Variants in GRIK4 observed in about 807,000 individuals in gnomAD.
GRIK4 encodes the protein glutamate receptor ionotropic, kainate 4.
In GRIK4, 40 loss-of-function variants were observed where a neutral mutation model predicts 104.9. The observed-to-expected ratio is 0.38, with a 90% CI of 0.30 to 0.50. The LOEUF is 0.50. Ranked by LOEUF, GRIK4 falls within the 20% of genes least tolerant of loss-of-function variation. GRIK4 has a pLI of 0.93. For missense variants in GRIK4, 1,047 were observed against 1,308.1 expected, an observed-to-expected ratio of 0.80 and a Z score of 3.08; for synonymous variants, 485 against 524.9, an observed-to-expected ratio of 0.92 and a Z score of 1.04.
chr11:120,802,720 G>A lies in GRIK4; in HGVS notation c.110G>A (p.Cys37Tyr). ...IAAILDDPME[C>Y]SRGERLSITL... The stretch of plus-strand genomic sequence containing the variant: ...GCTATCTTGGACGACCCCATGGAGT[G>A]CAGCAGAGGGGAGCGGCTCTCCATC... Residue 37 changes from cysteine to tyrosine, a missense_variant, in exon 4 of 21, where the codon TGC becomes TAC. Around this residue, in one of 3 missense-constraint regions of GRIK4, gnomAD observed 447 missense variants for 514.9 expected, o/e 0.87. Coordinates refer to ENST00000527524, the MANE Select transcript of GRIK4 (RefSeq NM_014619.5). 1 of 1,614,102 alleles carries A rather than the reference G, an allele frequency of 6.2e-7. No homozygotes were observed. Among genetic ancestry groups the A allele is most frequent in the Non-Finnish European group, 8.5e-7 (1 of 1,179,992 alleles).
chr11:120,890,592 G>A (rs976932190), intron 11 of GRIK4, among the ~76,000 whole-genome samples: 1 of 152,208 alleles, frequency 6.6e-6, no homozygotes, highest in Non-Finnish European at 1.5e-5. Flanking sequence ...CCTATTAACT[G>A]TGTGACCCTC....
At position 120,626,689 on chromosome 11, in the gene GRIK4, C is replaced by A. The variant is rs540034031; in HGVS notation, c.-158-26996C>A. On this transcript the variant is annotated intron_variant, in intron 1 of 20. Coordinates refer to ENST00000527524, the MANE Select transcript of GRIK4 (RefSeq NM_014619.5). ...TTGCATCTGTTCCTCTGCCTGAACG[C>A]CCCATTTGGATCCAATCTCAAGGAC... is the stretch of plus-strand genomic sequence containing the variant. Among the ~76,000 whole-genome samples, 3 of 152,252 alleles carry A rather than the reference C, an allele frequency of 2.0e-5. No individual in the cohort carries two copies. In the East Asian group the frequency reaches 5.8e-4, roughly 29 times the overall value.
chr11:120,963,974 T>TATTG (rs1944337895), intron 18 of GRIK4, among the ~76,000 whole-genome samples: 1 of 26,516 alleles, frequency 3.8e-5, no homozygotes, highest in Non-Finnish European at 6.5e-5. Flanking sequence ...TGTTTTTATT[T>TATTG]ATTTATTTAT....
In GRIK4 at chr11:120,940,536, G is replaced by A. The variant is rs527572013; in HGVS notation, c.1590+76G>A. On this transcript the variant is annotated intron_variant, in intron 14 of 20. Coordinates refer to ENST00000527524, the MANE Select transcript of GRIK4 (RefSeq NM_014619.5). The surrounding 1 kb of genome is among the most constrained non-coding windows in gnomAD (Gnocchi z 4.3). The stretch of plus-strand genomic sequence containing the variant: ...AAACACTGAGTTATACGGGAATAAT[G>A]AATGACTCATGGAAATATTTAGATT... 7 of 804,588 alleles carry A rather than the reference G, an allele frequency of 8.7e-6. No homozygotes were observed. In the African/African-American group the frequency reaches 1.2e-4, roughly 14 times the overall value. The allele number at this position is 804,588 out of a possible 1,614,324, so 49.8% of individuals were successfully genotyped here.
intron 8 of GRIK4, among the ~76,000 whole-genome samples, chr11:120,846,896 A>T (rs1953865434): frequency 6.6e-6 from 1 of 152,024 alleles, no homozygotes; most frequent in Non-Finnish European, 1.5e-5. Context: ...CAGTGTCCTC[A>T]TCTGGCTGGC....
intron 1 of GRIK4, among the ~76,000 whole-genome samples, chr11:120,580,243 C>A (rs1948556950): frequency 7.6e-6 from 1 of 132,112 alleles, no homozygotes; most frequent in Non-Finnish European, 1.6e-5. Flanking sequence ...TTCTTTCTTT[C>A]TTTCTTTCTT....
At chr11:120,783,574 T>C (rs1312376275) in intron 3 of GRIK4, among the ~76,000 whole-genome samples, 1 of 152,036 alleles carries the variant, frequency 6.6e-6, no homozygotes. Flanking sequence ...ATTTTTAGAG[T>C]GGGTAATTGC....
At chr11:120,835,120 C>T (rs1209051338) in intron 7 of GRIK4, among the ~76,000 whole-genome samples, 1 of 152,212 alleles carries the variant, frequency 6.6e-6, no homozygotes, top group Non-Finnish European at 1.5e-5. Context: ...TCCCTTGTGC[C>T]CTGAGACTCC....
chr11:120,857,929 T>A (rs1295034847), intron 8 of GRIK4, among the ~76,000 whole-genome samples: 3 of 152,188 alleles, frequency 2.0e-5, no homozygotes, highest in Non-Finnish European at 4.4e-5. Flanking sequence ...CACCCACACT[T>A]GGAGTAGTGG....
chr11:120,886,417 A>G (rs1363474178), intron 11 of GRIK4, among the ~76,000 whole-genome samples: 1 of 152,192 alleles, frequency 6.6e-6, no homozygotes, highest in Non-Finnish European at 1.5e-5. Flanking sequence ...TTCCAGAGAA[A>G]GCATGTGTGT....
In GRIK4 at chr11:120,844,198, C is replaced by T. The variant is rs867946866; in HGVS notation, c.744+7354C>T. ...TTCCAGGAGGAAATGAGAATGCACA[C>T]AGCCCCACTCTTTCACTCCTTGCTT... On this transcript the variant is annotated intron_variant, in intron 8 of 20. Transcript: ENST00000527524. Among the ~76,000 whole-genome samples the T allele has an allele frequency of 3.6e-4, 55 of 152,108 alleles. 1 individual carries two copies. Among genetic ancestry groups the T allele is most frequent in the East Asian group, 1.9e-4 (1 of 5,178 alleles).
intron 1 of GRIK4, among the ~76,000 whole-genome samples, chr11:120,621,424 C>T (rs1949187834): frequency 6.6e-6 from 1 of 152,150 alleles, no homozygotes; most frequent in Admixed American, 6.5e-5. Context: ...TGCAAGGAAA[C>T]TCGTTGTAAC....
intron 8 of GRIK4, among the ~76,000 whole-genome samples, chr11:120,853,534 A>G (rs960021966): frequency 5.3e-5 from 8 of 152,200 alleles, no homozygotes; most frequent in South Asian, 2.1e-4. Context: ...ATGACAATAA[A>G]TGAGTGCATA....
intron 3 of GRIK4, among the ~76,000 whole-genome samples, chr11:120,707,402 C>G (rs1158529600): frequency 6.6e-6 from 1 of 152,180 alleles, no homozygotes; most frequent in African/African-American, 2.4e-5. Flanking sequence ...CAATTCTGAA[C>G]TCTGTCCCCC....
intron 1 of GRIK4, among the ~76,000 whole-genome samples, chr11:120,624,076 G>C (rs1279325875): frequency 6.6e-6 from 1 of 152,020 alleles, no homozygotes; most frequent in African/African-American, 2.4e-5. Flanking sequence ...TGTGAAAATT[G>C]CTCACAGATG....
intron 11 of GRIK4, chr11:120,894,468 G>A (rs1040143017): frequency 6.6e-6 from 1 of 152,182 alleles, no homozygotes; most frequent in Non-Finnish European, 1.5e-5. Context: ...AGCCCAGAGG[G>A]GTGCTTTTTT....
intron 20 of GRIK4, among the ~76,000 whole-genome samples, chr11:120,983,761 C>A (rs1055540418): frequency 2.6e-5 from 4 of 152,216 alleles, no homozygotes; most frequent in African/African-American, 4.8e-5. Flanking sequence ...GAACCACTTA[C>A]ACACCACGCT....
At chr11:120,972,087 G>A (rs1944484871) in intron 19 of GRIK4, among the ~76,000 whole-genome samples, 2 of 152,258 alleles carry the variant, frequency 1.3e-5, no homozygotes, top group South Asian at 4.2e-4. Flanking sequence ...TGTAATACAG[G>A]CATATTTATT....
chr11:120,735,567 C>T (rs1290641163), intron 3 of GRIK4, among the ~76,000 whole-genome samples: 4 of 152,052 alleles, frequency 2.6e-5, no homozygotes, highest in Non-Finnish European at 5.9e-5. Context: ...TGATCAAGGC[C>T]CTAGGGCTCT....
Sources: gnomAD v4.1 joint callset for allele counts (sites outside exome capture counted in the v4.1 genomes callset) on GRCh38, gnomAD v4.1.1 for gene constraint, gnomAD v4.1.1 regional missense constraint, Gnocchi (gnomAD v3.1) non-coding constraint, MANE v1.5 for transcripts, NCBI Gene and HGNC (gene_info 2026-07-23, HGNC 2026-07-21) for gene names.